VSIG10: variants seen among roughly 807,000 people sequenced by gnomAD.
VSIG10 encodes V-set and immunoglobulin domain-containing protein 10.
Under a neutral mutation model 58.7 loss-of-function variants are expected in VSIG10, and 48 were observed. That is an observed-to-expected ratio of 0.82 (90% CI 0.65 to 1.04). The LOEUF is 1.04. Ranked by LOEUF, VSIG10 falls within the 50% of genes least tolerant of loss-of-function variation. VSIG10 has a pLI of 0.00. For missense variants in VSIG10, 628 were observed against 670.0 expected (o/e 0.94, Z 0.69); for synonymous variants, 260 against 267.1 (o/e 0.97, Z 0.26).
In VSIG10 at chr12:118,095,781, T is replaced by G; in HGVS notation, c.113A>C (p.Glu38Ala). Residue 38 changes from glutamate to alanine, a missense_variant, in exon 2 of 9, where the codon GAG (glutamate) becomes GCG (alanine). Transcript: ENST00000359236. Reference protein sequence around the residue: ...LEAVVIGEVHENVTLHCGNIS... With the variant: ...LEAVVIGEVHANVTLHCGNIS... Reference sequence around the variant, plus strand: ...GTTGCCACAGTGCAGAGTAACATTCTCATGAACTTCTCCAATGACAACAGC... The same window carrying G: ...GTTGCCACAGTGCAGAGTAACATTCGCATGAACTTCTCCAATGACAACAGC... 1 of 1,612,030 alleles carries G rather than the reference T, an allele frequency of 6.2e-7. No individual in the cohort carries two copies. The highest frequency in any genetic ancestry group is 8.5e-7 in the Non-Finnish European group (1 of 1,179,110).
intron 1 of VSIG10, among the ~76,000 whole-genome samples, chr12:118,097,133 G>A (rs1192944995): frequency 1.3e-5 from 2 of 152,194 alleles, no homozygotes; most frequent in African/African-American, 4.8e-5. Flanking sequence ...CTTGTAGTAG[G>A]TAACAAACAT....
In VSIG10 at chr12:118,082,315, G is replaced by A; in HGVS notation, c.476C>T (p.Pro159Leu). 3 of 1,613,986 alleles carry A rather than the reference G, an allele frequency of 1.9e-6. No homozygotes were observed. The highest frequency in any genetic ancestry group is 1.7e-5 in the Admixed American group (1 of 59,996). The change falls in exon 3 of 9, where the codon CCA becomes CTA. Residue 159 changes from proline to leucine, a missense_variant. Transcript: ENST00000359236. ...VDFSCNSSSRPPPVVEWWFQA... is the reference protein window; with the variant it reads ...VDFSCNSSSRLPPVVEWWFQA... ...GAACCACCATTCAACCACGGGTGGTGGCCTGGAGCTGCTGTTGCAGCTGAA... is the reference window on the plus strand; with the variant it reads ...GAACCACCATTCAACCACGGGTGGTAGCCTGGAGCTGCTGTTGCAGCTGAA...
intron 6 of VSIG10, 127 bp downstream of exon 6, chr12:118,071,232 A>G: frequency 8.3e-7 from 1 of 1,198,364 alleles, no homozygotes; most frequent in Non-Finnish European, 1.2e-6. Context: ...ATTACTGTGT[A>G]TCTTGACCCA....
intron 2 of VSIG10, among the ~76,000 whole-genome samples, chr12:118,089,351 A>G (rs1040105208): frequency 6.6e-6 from 1 of 151,654 alleles, no homozygotes; most frequent in Admixed American, 6.6e-5. Context: ...CCATCCTCCA[A>G]TAAACTTAGC....
intron 8 of VSIG10, among the ~76,000 whole-genome samples, 183 bp downstream of exon 8, chr12:118,068,194 C>CTTTTTTTTT (rs71069404): frequency 1.0e-5 from 1 of 100,294 alleles, no homozygotes; most frequent in African/African-American, 3.8e-5. Flanking sequence ...GCTAATTTTT[C>CTTTTTTTTT]TTTTTTTTTT....
chr12:118,076,724 C>T (rs2032743558), intron 4 of VSIG10, among the ~76,000 whole-genome samples: 1 of 151,968 alleles, frequency 6.6e-6, no homozygotes, highest in East Asian at 1.9e-4. Flanking sequence ...CCTGGAGTGA[C>T]CGCTCACTGC....
intron 1 of VSIG10, 135 bp from the exon 2 acceptor site, chr12:118,095,949 G>A (rs1022719067): frequency 2.3e-5 from 23 of 1,015,500 alleles, no homozygotes; most frequent in South Asian, 1.4e-4. Flanking sequence ...TTTTTGAGAC[G>A]GAGTCCCACT....
intron 2 of VSIG10, among the ~76,000 whole-genome samples, chr12:118,090,845 T>C (rs1299404797): frequency 6.6e-6 from 1 of 151,998 alleles, no homozygotes; most frequent in African/African-American, 2.4e-5. Flanking sequence ...TAAATGTCAC[T>C]ACTTCCAGGC....
intron 1 of VSIG10, among the ~76,000 whole-genome samples, chr12:118,100,687 C>T (rs759612022): frequency 1.3e-5 from 2 of 152,130 alleles, no homozygotes; most frequent in Admixed American, 6.6e-5. Flanking sequence ...CGCCATCATG[C>T]CCCGCTAAGT....
rs960918935 is a variant in VSIG10 at position 118,068,323 on chromosome 12, A to C, written c.1567+54T>G. On this transcript the variant is annotated intron_variant, in intron 8 of 8. Coordinates refer to ENST00000359236, the MANE Select transcript of VSIG10 (RefSeq NM_019086.6). ...GTGCTGGGATTATAGGCGTGAGCCAACGCGCCTTTTTTTGTTTGTTTTCTG... is the reference window on the plus strand; with the variant it reads ...GTGCTGGGATTATAGGCGTGAGCCACCGCGCCTTTTTTTGTTTGTTTTCTG... 8.9e-6 allele frequency: 14 copies of C among 1,572,556 alleles called. No individual in the cohort carries two copies. In the African/African-American group the frequency reaches 1.9e-4, roughly 21 times the overall value.
intron 8 of VSIG10, among the ~76,000 whole-genome samples, 177 bp downstream of exon 8, chr12:118,068,200 T>C (rs867202105): frequency 5.6e-5 from 8 of 141,838 alleles, no homozygotes; most frequent in African/African-American, 1.9e-4. Flanking sequence ...TTTTCTTTTT[T>C]TTTTTTTTTT....
intron 2 of VSIG10, among the ~76,000 whole-genome samples, chr12:118,086,174 CAA>C (rs1316630117): frequency 6.8e-6 from 1 of 146,690 alleles, no homozygotes; most frequent in African/African-American, 2.5e-5. Flanking sequence ...AAAAAAAGCA[CAA>C]AGTCAGCTGG....
intron 2 of VSIG10, among the ~76,000 whole-genome samples, chr12:118,085,460 C>A (rs1290441732): frequency 6.6e-6 from 1 of 152,260 alleles, no homozygotes; most frequent in African/African-American, 2.4e-5. Flanking sequence ...GAGAGCCTGG[C>A]ACTGTGTGCC....
intron 2 of VSIG10, among the ~76,000 whole-genome samples, chr12:118,094,655 T>C (rs1264662855): frequency 6.6e-6 from 1 of 152,132 alleles, no homozygotes; most frequent in East Asian, 1.9e-4. Context: ...AGTGCTGGAA[T>C]TACAGGCATG....
intron 2 of VSIG10, among the ~76,000 whole-genome samples, chr12:118,091,116 C>T (rs1051999989): frequency 9.9e-5 from 15 of 152,104 alleles, no homozygotes; most frequent in East Asian, 3.9e-4. Flanking sequence ...GCCTGGACGA[C>T]AGAGGGAGAA....
Position 118,063,620 on chromosome 12 carries a change from T to C in VSIG10, c.*3019A>G, listed in dbSNP as rs2032147716. On this transcript the variant is annotated 3_prime_UTR_variant, in exon 9 of 9. Transcript: ENST00000359236. Reference sequence around the variant, plus strand: ...ACTTAAAAATAGCTTTATTCCATTATCTTTTAAAAAAGGCATATGATAACC... The same window carrying C: ...ACTTAAAAATAGCTTTATTCCATTACCTTTTAAAAAAGGCATATGATAACC... The C allele has an allele frequency of 6.6e-6, 1 of 152,178 alleles. No homozygotes were observed. The highest frequency in any genetic ancestry group is 2.4e-5 in the African/African-American group (1 of 41,452). 9.4% of individuals were successfully genotyped at this position (152,178 alleles called of 1,614,324 possible). A position where few individuals can be genotyped will look rare whatever the true frequency, so the allele number is the denominator to read the frequency against.
In VSIG10 at chr12:118,068,575, T is replaced by C. The variant is rs1302330175; in HGVS notation, c.1369A>G (p.Met457Val). Residue 457 changes from methionine to valine, a missense_variant, in exon 8 of 9, where the codon ATG (methionine) becomes GTG (valine). Physicochemically the swap from Met to Val is conservative, Grantham distance 21 (BLOSUM62 1). Coordinates refer to ENST00000359236, the MANE Select transcript of VSIG10 (RefSeq NM_019086.6). Reference protein sequence around the residue: ...TSRGQNMDDVMVLVDSEEEEE... With the variant: ...TSRGQNMDDVVVLVDSEEEEE... ...TCCTCTTCTGAATCCACCAAAACCA[T>C]GACATCATCCATGTTTTGTCCCCTA... is the stretch of plus-strand genomic sequence containing the variant. The C allele has an allele frequency of 3.8e-6, 6 of 1,575,054 alleles. No individual in the cohort carries two copies. Among genetic ancestry groups the C allele is most frequent in the Admixed American group, 3.9e-5 (2 of 51,942 alleles).
intron 2 of VSIG10, among the ~76,000 whole-genome samples, chr12:118,091,979 G>A (rs1221326876): frequency 2.0e-5 from 3 of 152,056 alleles, no homozygotes; most frequent in Non-Finnish European, 4.4e-5. Context: ...GGCTGGTCTT[G>A]AACTGACCTC....
At position 118,068,597 on chromosome 12, in the gene VSIG10, CCT is replaced by C. The variant is rs750952898; in HGVS notation, c.1347-2_1347-1del. The C allele has an allele frequency of 6.5e-7, 1 of 1,541,384 alleles. No individual in the cohort carries two copies. Among genetic ancestry groups the C allele is most frequent in the East Asian group, 2.4e-5 (1 of 41,982 alleles). On this transcript the variant is annotated splice_acceptor_variant, in intron 7 of 8. Coordinates refer to ENST00000359236, the MANE Select transcript of VSIG10 (RefSeq NM_019086.6). LOFTEE classifies it high-confidence loss of function. ...CCATGACATCATCCATGTTTTGTCC[CCT>C]AATTTCCAAAGGGGAAAAATAATCA... is the stretch of plus-strand genomic sequence containing the variant.
Sources: allele counts gnomAD v4.1 joint callset (sites outside exome capture counted in the v4.1 genomes callset), GRCh38; gene constraint gnomAD v4.1.1; transcripts MANE v1.5; gene names NCBI Gene and HGNC (gene_info 2026-07-23, HGNC 2026-07-21).